PPP1R3E: variants seen among roughly 807,000 people sequenced by gnomAD.
PPP1R3E encodes protein phosphatase 1 regulatory subunit 3E, also known as protein phosphatase 1, regulatory (inhibitor) subunit 3E.
A neutral mutation model predicts 18.5 loss-of-function variants in PPP1R3E; 20 were observed. The ratio of observed to expected loss-of-function variants is 1.08; its 90% CI spans 0.76 to 1.58. The LOEUF is 1.58. Ranked by LOEUF, PPP1R3E falls within the 40% of genes most tolerant of loss-of-function variation. The probability of loss-of-function intolerance (pLI) is 0.00; values close to 1 mark genes in which losing one functional copy is unlikely to be tolerated. For synonymous variants in PPP1R3E, 208 were observed against 208.1 expected, an observed-to-expected ratio of 1.00 and a Z score of 0.00; for missense variants, 498 against 460.2, an observed-to-expected ratio of 1.08 and a Z score of -0.75.
At position 23,302,232 on chromosome 14, in the gene PPP1R3E, G is replaced by C. The variant is rs752452848; in HGVS notation, c.345C>G (p.His115Gln). The C allele has an allele frequency of 1.3e-6, 2 of 1,511,508 alleles. No individual in the cohort carries two copies. Among genetic ancestry groups the C allele is most frequent in the South Asian group, 2.5e-5 (2 of 81,372 alleles). The allele number at this position is 1,511,508 out of a possible 1,614,324, so 93.6% of individuals were successfully genotyped here. A position where few individuals can be genotyped will look rare whatever the true frequency, so the allele number is the denominator to read the frequency against. ...CGTCCCTCTGCAATTGGATCTGCAC[G>C]TGGCGGGGCACCCGGGGCAGCTCAC... Reference protein sequence around the residue: ...RPGELPRVPRHVQIQLQRDAL... With the variant: ...RPGELPRVPRQVQIQLQRDAL... Residue 115 changes from histidine (H) to glutamine (Q), a missense_variant, in exon 1 of 5, where the codon CAC (histidine) becomes CAG (glutamine). Physicochemically the swap from His to Gln is conservative, Grantham distance 24. Coordinates refer to ENST00000452015, the MANE Select transcript of PPP1R3E (RefSeq NM_001276318.2).
In PPP1R3E at chr14:23,301,431, T is replaced by C; in HGVS notation, c.*5A>G. 2 of 1,405,824 alleles carry C rather than the reference T, an allele frequency of 1.4e-6. No individual in the cohort carries two copies. Among genetic ancestry groups the C allele is most frequent in the Non-Finnish European group, 1.8e-6 (2 of 1,082,032 alleles). The allele number at this position is 1,405,824 out of a possible 1,614,324, so 87.1% of individuals were successfully genotyped here. On this transcript the variant is annotated 3_prime_UTR_variant, in exon 2 of 5. Transcript: ENST00000452015. ...TTTTCCGCCGTCGGCCGCAGGCGCC[T>C]CGTCTCAGATAAAGTGGATCCAGCC...
rs934765591 is a variant in PPP1R3E at position 23,302,423 on chromosome 14, G to A, written c.154C>T (p.Arg52Ter). 9 of 1,495,334 alleles carry A rather than the reference G, an allele frequency of 6.0e-6. No individual in the cohort carries two copies. The highest frequency in any genetic ancestry group is 2.1e-4 in the Middle Eastern group (1 of 4,840). The allele number at this position is 1,495,334 out of a possible 1,614,324, so 92.6% of individuals were successfully genotyped here. A position where few individuals can be genotyped will look rare whatever the true frequency, so the allele number is the denominator to read the frequency against. ...PGEGGTRFGA[R>*]SRAHAPSRGR... ...CGACTCGGTGCGTGAGCGCGGGATC[G>A]GGCCCCGAACCGCGTCCCGCCCTCG... The change falls in exon 1 of 5, where the codon CGA (arginine) becomes TGA (stop). Residue 52 changes from arginine (R) to a stop codon, truncating the protein, a stop_gained. Coordinates refer to ENST00000452015, the MANE Select transcript of PPP1R3E (RefSeq NM_001276318.2). LOFTEE classifies it high-confidence loss of function.
At position 23,301,687 on chromosome 14, in the gene PPP1R3E, C is replaced by T; in HGVS notation, c.589G>A (p.Gly197Ser). ...GGCGCCTCGCGTTGGCTCCGCCAGCCGTCGGCGCTCCAGCGCACGCTCACG... is the reference window on the plus strand; with the variant it reads ...GGCGCCTCGCGTTGGCTCCGCCAGCTGTCGGCGCTCCAGCGCACGCTCACG... ...KRVSVRWSAD[G>S]WRSQREAPAA... Residue 197 changes from glycine (G) to serine (S), a missense_variant, in exon 2 of 5, where the codon GGC (glycine) becomes AGC (serine). Gly to Ser is a moderately conservative substitution (Grantham distance 56, BLOSUM62 0). Transcript: ENST00000452015. The T allele has an allele frequency of 2.2e-6, 3 of 1,336,804 alleles. No individual in the cohort carries two copies. The highest frequency in any genetic ancestry group is 2.0e-5 in the South Asian group (1 of 51,034). 82.8% of individuals were successfully genotyped at this position (1,336,804 alleles called of 1,614,324 possible).
chr14:23,298,537 G>A lies in PPP1R3E; in HGVS notation c.*767C>T, dbSNP rs1408526766. Reference sequence around the variant, plus strand: ...TGCAAACAAAACAGATTTTATGATCGAGTCATAGTTCTGGAAAGGAAGAAA... The same window carrying A: ...TGCAAACAAAACAGATTTTATGATCAAGTCATAGTTCTGGAAAGGAAGAAA... On this transcript the variant is annotated 3_prime_UTR_variant, in exon 5 of 5. Transcript: ENST00000452015. 5 of 154,214 alleles carry A rather than the reference G, an allele frequency of 3.2e-5. No individual in the cohort carries two copies. Among genetic ancestry groups the A allele is most frequent in the Admixed American group, 2.6e-4 (4 of 15,288 alleles). The allele number at this position is 154,214 out of a possible 1,614,324, so 9.6% of individuals were successfully genotyped here.
rs1247105588 is a variant in PPP1R3E, at chr14:23,301,371, A to C, written c.*65T>G. The C allele has an allele frequency of 8.2e-7, 1 of 1,219,086 alleles. No homozygotes were observed. Among genetic ancestry groups the C allele is most frequent in the East Asian group, 4.2e-5 (1 of 23,854 alleles). 75.5% of individuals were successfully genotyped at this position (1,219,086 alleles called of 1,614,324 possible). On this transcript the variant is annotated 3_prime_UTR_variant, in exon 2 of 5. Coordinates refer to ENST00000452015, the MANE Select transcript of PPP1R3E (RefSeq NM_001276318.2). ...CTGGTCTCTCCTACTCCTCCCCGCC[A>C]CATCGGGTCGCCCCGCCCCCGGGTG... is the stretch of plus-strand genomic sequence containing the variant.
In PPP1R3E at chr14:23,301,427, C is replaced by A; in HGVS notation, c.*9G>T. 7.3e-7 allele frequency: 1 copy of A among 1,378,894 alleles called. No individual in the cohort carries two copies. The highest frequency in any genetic ancestry group is 9.4e-7 in the Non-Finnish European group (1 of 1,064,068). The allele number at this position is 1,378,894 out of a possible 1,614,324, so 85.4% of individuals were successfully genotyped here. On this transcript the variant is annotated 3_prime_UTR_variant, in exon 2 of 5. Transcript: ENST00000452015. The stretch of plus-strand genomic sequence containing the variant: ...GGTGTTTTCCGCCGTCGGCCGCAGG[C>A]GCCTCGTCTCAGATAAAGTGGATCC...
rs1289399921 is a variant in PPP1R3E at position 23,295,784 on chromosome 14, T to A, written c.*3520A>T. On this transcript the variant is annotated 3_prime_UTR_variant, in exon 5 of 5. Transcript: ENST00000452015. ...CTTTATAATAATTTAAGCAAACTTA[T>A]TAAATTTTTCTGGACACACACACAC... 1 of 156,946 alleles carries A rather than the reference T, an allele frequency of 6.4e-6. No individual in the cohort carries two copies. Among genetic ancestry groups the A allele is most frequent in the Non-Finnish European group, 1.4e-5 (1 of 70,918 alleles). The allele number at this position is 156,946 out of a possible 1,614,324, so 9.7% of individuals were successfully genotyped here.
rs1362194839 is a variant in PPP1R3E, at chr14:23,302,390, G to A, written c.187C>T (p.Arg63Trp). 2.7e-6 allele frequency: 4 copies of A among 1,488,408 alleles called. No homozygotes were observed. The highest frequency in any genetic ancestry group is 2.7e-5 in the East Asian group (1 of 36,510). 92.2% of individuals were successfully genotyped at this position (1,488,408 alleles called of 1,614,324 possible). ...CCTCCGGCTGGTGCAGATCGGGCCC[G>A]GCGGCCCCGACTCGGTGCGTGAGCG... ...SRAHAPSRGR[R>W]ARSAPAGGGG... The change falls in exon 1 of 5, where the codon CGG becomes TGG. Residue 63 changes from arginine (R) to tryptophan (W), a missense_variant. Transcript: ENST00000452015.
At chr14:23,302,105 C>T (rs746210130) in intron 1 of PPP1R3E, 55 bp downstream of exon 1, 10 of 1,381,148 alleles carry the variant, frequency 7.2e-6, no homozygotes, top group Non-Finnish European at 9.3e-6. Flanking sequence ...TCCCACAAGC[C>T]CGCTGCGGCC....
chr14:23,301,903 A>C, intron 1 of PPP1R3E, 45 bp from the exon 2 acceptor site: 1 of 1,401,542 alleles, frequency 7.1e-7, no homozygotes, highest in South Asian at 1.5e-5. Flanking sequence ...GGGCGGAGAG[A>C]GGGGAGAGAC....
At chr14:23,302,101 A>G (rs1887061435) in intron 1 of PPP1R3E, 59 bp downstream of exon 1, 2 of 1,377,516 alleles carry the variant, frequency 1.5e-6, no homozygotes, top group Non-Finnish European at 1.9e-6. Flanking sequence ...CCACTCCCAC[A>G]AGCCCGCTGC....
chr14:23,301,631 C>G lies in PPP1R3E; in HGVS notation c.645G>C (p.Pro215=). The G allele has an allele frequency of 4.3e-6, 6 of 1,384,672 alleles. No homozygotes were observed. Among genetic ancestry groups the G allele is most frequent in the Non-Finnish European group, 5.6e-6 (6 of 1,070,618 alleles). The allele number at this position is 1,384,672 out of a possible 1,614,324, so 85.8% of individuals were successfully genotyped here. The change falls in exon 2 of 5, where the codon CCG becomes CCC. Residue 215 remains proline, a synonymous_variant. Transcript: ENST00000452015. ...PAAYAGPAPP[P]PRADRFAFRL... is the part of the protein sequence containing the mutation. Reference sequence around the variant, plus strand: ...GGAAGGCGAAGCGGTCGGCGCGCGGCGGGGGCGGGGCCGGACCGGCGTAGG... The same window carrying G: ...GGAAGGCGAAGCGGTCGGCGCGCGGGGGGGGCGGGGCCGGACCGGCGTAGG...
rs1261291837 is a variant in PPP1R3E at position 23,301,424 on chromosome 14, A to G, written c.*12T>C. On this transcript the variant is annotated 3_prime_UTR_variant, in exon 2 of 5. Transcript: ENST00000452015. The stretch of plus-strand genomic sequence containing the variant: ...TTTGGTGTTTTCCGCCGTCGGCCGC[A>G]GGCGCCTCGTCTCAGATAAAGTGGA... 2.9e-6 allele frequency: 4 copies of G among 1,373,676 alleles called. No homozygotes were observed. Among genetic ancestry groups the G allele is most frequent in the African/African-American group, 3.0e-5 (2 of 65,972 alleles). 85.1% of individuals were successfully genotyped at this position (1,373,676 alleles called of 1,614,324 possible).
Position 23,302,511 on chromosome 14 carries a change from C to A in PPP1R3E, c.66G>T (p.Thr22=), listed in dbSNP as rs1420354475. Residue 22 remains threonine (T), a synonymous_variant, in exon 1 of 5, where the codon ACG becomes ACT. Coordinates refer to ENST00000452015, the MANE Select transcript of PPP1R3E (RefSeq NM_001276318.2). ...GCTGGCTACGGTAGTAGGCGCGCTCCGTTAGCGCGGCGATGAAGCTCAGGT... is the reference window on the plus strand; with the variant it reads ...GCTGGCTACGGTAGTAGGCGCGCTCAGTTAGCGCGGCGATGAAGCTCAGGT... ...PRNLSFIAAL[T]ERAYYRSQRP... is the part of the protein sequence containing the mutation. 8 of 1,503,656 alleles carry A rather than the reference C, an allele frequency of 5.3e-6. No individual in the cohort carries two copies. The East Asian group carries it at 2.2e-4, about 41-fold the overall frequency. The allele number at this position is 1,503,656 out of a possible 1,614,324, so 93.1% of individuals were successfully genotyped here. A position where few individuals can be genotyped will look rare whatever the true frequency, so the allele number is the denominator to read the frequency against.
rs902130436 is a variant in PPP1R3E at position 23,301,795 on chromosome 14, G to T, written c.481C>A (p.Arg161Ser). The T allele has an allele frequency of 8.2e-6, 12 of 1,470,940 alleles. No individual in the cohort carries two copies. The African/African-American group carries it at 1.0e-4, about 13-fold the overall frequency. The allele number at this position is 1,470,940 out of a possible 1,614,324, so 91.1% of individuals were successfully genotyped here. Residue 161 changes from arginine to serine, a missense_variant, in exon 2 of 5, where the codon CGC becomes AGC. Physicochemically the swap from Arg to Ser is moderately radical, Grantham distance 110 (BLOSUM62 -1). Coordinates refer to ENST00000452015, the MANE Select transcript of PPP1R3E (RefSeq NM_001276318.2). ...GCCTCGGCGCGTTCCAGGCAGATGC[G>T]CTGCGTCAGCAAGCGGGCGGCGAAG... The part of the protein sequence containing the change: ...PGFAARLLTQ[R>S]ICLERAEAGP...
At position 23,302,561 on chromosome 14, in the gene PPP1R3E, G is replaced by A; in HGVS notation, c.16C>T (p.Pro6Ser). 1 of 1,477,852 alleles carries A rather than the reference G, an allele frequency of 6.8e-7. No homozygotes were observed. Among genetic ancestry groups the A allele is most frequent in the Non-Finnish European group, 8.9e-7 (1 of 1,122,762 alleles). 91.5% of individuals were successfully genotyped at this position (1,477,852 alleles called of 1,614,324 possible). MSRERPPGTDIPRNLS... is the reference protein window; with the variant it reads MSRERSPGTDIPRNLS... ...TTGCGGGGAATGTCGGTGCCCGGGG[G>A]CCGCTCACGGGACATGGCAGCCCCT... Residue 6 changes from proline to serine, a missense_variant, in exon 1 of 5, where the codon CCC becomes TCC. Transcript: ENST00000452015.
chr14:23,302,630 T>C lies in PPP1R3E; in HGVS notation c.-54A>G. On this transcript the variant is annotated 5_prime_UTR_variant, in exon 1 of 5. Transcript: ENST00000452015. ...CGCAGCGCCACCGCGCTCCCCTCTC[T>C]TCCTCTCTCCCGCCCGCCCCGCGTC... 2 of 1,385,616 alleles carry C rather than the reference T, an allele frequency of 1.4e-6. No individual in the cohort carries two copies. The highest frequency in any genetic ancestry group is 1.9e-6 in the Non-Finnish European group (2 of 1,076,682). The allele number at this position is 1,385,616 out of a possible 1,614,324, so 85.8% of individuals were successfully genotyped here.
At position 23,301,528 on chromosome 14, in the gene PPP1R3E, T is replaced by C. The variant is rs933502855; in HGVS notation, c.748A>G (p.Asn250Asp). Reference protein sequence around the residue: ...YRVTGHEFWDNNGGRDYALRG... With the variant: ...YRVTGHEFWDDNGGRDYALRG... ...AGAGCATAGTCACGGCCGCCGTTGTTGTCCCAGAACTCGTGACCTGTCACA... is the reference window on the plus strand; with the variant it reads ...AGAGCATAGTCACGGCCGCCGTTGTCGTCCCAGAACTCGTGACCTGTCACA... The change falls in exon 2 of 5, where the codon AAC (asparagine) becomes GAC (aspartate). Residue 250 changes from asparagine (N) to aspartate (D), a missense_variant. Transcript: ENST00000452015. The C allele has an allele frequency of 4.0e-4, 605 of 1,500,360 alleles. 1 individual carries two copies. Among genetic ancestry groups the C allele is most frequent in the Non-Finnish European group, 5.1e-4 (582 of 1,130,500 alleles). 92.9% of individuals were successfully genotyped at this position (1,500,360 alleles called of 1,614,324 possible).
At position 23,302,549 on chromosome 14, in the gene PPP1R3E, C is replaced by G. The variant is rs986340562; in HGVS notation, c.28G>C (p.Asp10His). ...ATGAAGCTCAGGTTGCGGGGAATGTCGGTGCCCGGGGGCCGCTCACGGGAC... is the reference window on the plus strand; with the variant it reads ...ATGAAGCTCAGGTTGCGGGGAATGTGGGTGCCCGGGGGCCGCTCACGGGAC... Reference protein sequence around the residue: MSRERPPGTDIPRNLSFIAA... With the variant: MSRERPPGTHIPRNLSFIAA... Residue 10 changes from aspartate (D) to histidine (H), a missense_variant, in exon 1 of 5, where the codon GAC (aspartate) becomes CAC (histidine). Asp to His is a moderately conservative substitution (Grantham distance 81). Coordinates refer to ENST00000452015, the MANE Select transcript of PPP1R3E (RefSeq NM_001276318.2). The G allele has an allele frequency of 6.7e-7, 1 of 1,484,724 alleles. No homozygotes were observed. The highest frequency in any genetic ancestry group is 8.9e-7 in the Non-Finnish European group (1 of 1,126,082). The allele number at this position is 1,484,724 out of a possible 1,614,324, so 92.0% of individuals were successfully genotyped here. A position where few individuals can be genotyped will look rare whatever the true frequency, so the allele number is the denominator to read the frequency against.
Sources: gnomAD v4.1 joint callset for allele counts on GRCh38, gnomAD v4.1.1 for gene constraint, MANE v1.5 for transcripts, NCBI Gene and HGNC (gene_info 2026-07-23, HGNC 2026-07-21) for gene names.